The following ZFHX3 variants were observed in gnomAD, a reference collection of about 807,000 sequenced individuals.
The protein encoded by ZFHX3 is zinc finger homeobox protein 3.
In ZFHX3, 42 loss-of-function variants were observed where a neutral mutation model predicts 279.1. That is an observed-to-expected ratio of 0.15 (90% CI 0.12 to 0.19). The LOEUF is 0.19. ZFHX3 is among the 10% of genes least tolerant of loss of function. ZFHX3 has a pLI of 1.00. For missense variants in ZFHX3, 4,981 were observed against 4,754.0 expected, an observed-to-expected ratio of 1.05 and a Z score of -1.40; for synonymous variants, 2,293 against 1,957.8, an observed-to-expected ratio of 1.17 and a Z score of -4.52.
At chr16:72,961,167 G>A (rs553577320) in intron 1 of ZFHX3, among the ~76,000 whole-genome samples, 1 of 152,302 alleles carries the variant, frequency 6.6e-6, no homozygotes, top group African/African-American at 2.4e-5. Flanking sequence ...CCACGTGCCT[G>A]GTGGTTTTTG....
At chr16:73,683,055 T>A (rs2053043732) in intron 1 of ZFHX3, among the ~76,000 whole-genome samples, 3 of 152,144 alleles carry the variant, frequency 2.0e-5, no homozygotes, top group Admixed American at 2.0e-4. Context: ...AACAATTGCA[T>A]GATTTTTGAA....
intron 1 of ZFHX3, among the ~76,000 whole-genome samples, chr16:73,772,757 T>G (rs890827641): frequency 5.3e-5 from 8 of 151,926 alleles, no homozygotes; most frequent in Non-Finnish European, 1.0e-4. Context: ...TATAATAACT[T>G]CATATGGGGG....
chr16:73,676,472 T>C (rs2052955476), intron 2 of ZFHX3, among the ~76,000 whole-genome samples: 1 of 151,372 alleles, frequency 6.6e-6, no homozygotes, highest in Non-Finnish European at 1.5e-5. Flanking sequence ...AGAAATTAGA[T>C]CCAAAAAAAT....
intron 5 of ZFHX3, among the ~76,000 whole-genome samples, chr16:72,825,080 G>A (rs2036900057): frequency 6.6e-6 from 1 of 152,232 alleles, no homozygotes; most frequent in African/African-American, 2.4e-5. Flanking sequence ...GTTGGGACTA[G>A]TGGATATCCC....
chr16:73,230,135 A>G (rs1162696009), intron 5 of ZFHX3, among the ~76,000 whole-genome samples: 2 of 152,232 alleles, frequency 1.3e-5, no homozygotes, highest in African/African-American at 2.4e-5. Context: ...CACATGGATG[A>G]ATAGATGACT....
intron 2 of ZFHX3, among the ~76,000 whole-genome samples, chr16:73,580,023 TC>T (rs1234042160): frequency 6.7e-6 from 1 of 149,104 alleles, no homozygotes; most frequent in Non-Finnish European, 1.5e-5. Context: ...ATAAAAATTA[TC>T]CTTGGACAGT....
intron 1 of ZFHX3, among the ~76,000 whole-genome samples, chr16:73,019,343 C>CGTGTGTGTGTGT (rs112184906): frequency 1.3e-5 from 2 of 150,068 alleles, no homozygotes; most frequent in African/African-American, 2.4e-5. Context: ...TGTGTCTGTG[C>CGTGTGTGTGTGT]GTGTGTGTGT....
At chr16:72,808,510 C>T (rs1364770742) in intron 7 of ZFHX3, among the ~76,000 whole-genome samples, 1 of 152,218 alleles carries the variant, frequency 6.6e-6, no homozygotes, top group Non-Finnish European at 1.5e-5. Flanking sequence ...AAGTAAAATA[C>T]TTATATGATT....
At chr16:73,397,274 C>T (rs748984238) in intron 3 of ZFHX3, among the ~76,000 whole-genome samples, 1 of 152,158 alleles carries the variant, frequency 6.6e-6, no homozygotes, top group Non-Finnish European at 1.5e-5. Flanking sequence ...TCTGGGCGCT[C>T]AGGCAGACAG....
At chr16:73,781,773 G>T (rs1380417199) in intron 1 of ZFHX3, among the ~76,000 whole-genome samples, 1 of 152,112 alleles carries the variant, frequency 6.6e-6, no homozygotes, top group East Asian at 1.9e-4. Flanking sequence ...CGAATCACGA[G>T]GTCAGGAGTT....
intron 2 of ZFHX3, among the ~76,000 whole-genome samples, chr16:73,466,358 C>A (rs905791700): frequency 6.6e-6 from 1 of 152,166 alleles, no homozygotes; most frequent in Non-Finnish European, 1.5e-5. Context: ...TAGTACACAC[C>A]TGTGGTCCCA....
At chr16:73,212,007 C>T (rs2012036513) in intron 5 of ZFHX3, among the ~76,000 whole-genome samples, 1 of 152,104 alleles carries the variant, frequency 6.6e-6, no homozygotes, top group Non-Finnish European at 1.5e-5. Context: ...AGTCACTGAT[C>T]TGGGGAAACT....
chr16:73,035,896 C>T (rs1392443592), intron 1 of ZFHX3, among the ~76,000 whole-genome samples: 1 of 152,106 alleles, frequency 6.6e-6, no homozygotes, highest in East Asian at 1.9e-4. Context: ...AGAGTGAGAC[C>T]CTGTCTCAAA....
chr16:73,883,091 C>G (rs2030226312), intron 1 of ZFHX3, among the ~76,000 whole-genome samples: 1 of 151,004 alleles, frequency 6.6e-6, no homozygotes, highest in Non-Finnish European at 1.5e-5. Flanking sequence ...TAGCTTAAGG[C>G]TGGGATATTT....
chr16:73,274,984 A>AT (rs1005728155), intron 4 of ZFHX3, among the ~76,000 whole-genome samples: 46 of 151,784 alleles, frequency 3.0e-4, no homozygotes, highest in Admixed American at 1.6e-3. Flanking sequence ...TTTGTCTGTA[A>AT]TTTTTTTTTC....
intron 1 of ZFHX3, among the ~76,000 whole-genome samples, chr16:73,687,011 A>AATATATATATATATATAT (rs58565282): frequency 3.8e-5 from 2 of 53,228 alleles, no homozygotes; most frequent in Non-Finnish European, 7.0e-5. Context: ...TTTGCAGCTA[A>AATATATATATATATATAT]ATATATATAT....
At chr16:73,683,524 C>T (rs1249384208) in intron 1 of ZFHX3, among the ~76,000 whole-genome samples, 1 of 152,124 alleles carries the variant, frequency 6.6e-6, no homozygotes, top group Non-Finnish European at 1.5e-5. Context: ...GACAAAAGAC[C>T]TAACCATGCG....
intron 3 of ZFHX3, among the ~76,000 whole-genome samples, chr16:73,376,660 A>G (rs2016728158): frequency 6.6e-6 from 1 of 152,152 alleles, no homozygotes. Flanking sequence ...ACCGTACGGG[A>G]AGATTTACAC....
intron 2 of ZFHX3, among the ~76,000 whole-genome samples, chr16:73,510,321 A>G (rs2019407141): frequency 6.6e-6 from 1 of 152,154 alleles, no homozygotes; most frequent in African/African-American, 2.4e-5. Context: ...CCTTGTCTAC[A>G]GTGTTTGCCA....
Sources: gnomAD v4.1 joint callset for allele counts (sites outside exome capture counted in the v4.1 genomes callset) on GRCh38, gnomAD v4.1.1 for gene constraint, MANE v1.5 for transcripts, NCBI Gene and HGNC (gene_info 2026-07-23, HGNC 2026-07-21) for gene names.